ITSN1: variants seen among roughly 807,000 people sequenced by gnomAD.
ITSN1 encodes the protein intersectin 1.
A neutral mutation model predicts 239.8 loss-of-function variants in ITSN1; 58 were observed. The observed-to-expected ratio is 0.24, with a 90% confidence interval of 0.20 to 0.30. The LOEUF is 0.30. Ranked by LOEUF, ITSN1 falls within the 10% of genes least tolerant of loss-of-function variation. The probability of loss-of-function intolerance (pLI) is 1.00; values close to 1 mark genes in which losing one functional copy is unlikely to be tolerated. For missense variants in ITSN1, 1,558 were observed against 2,103.3 expected (o/e 0.74, Z 5.07); for synonymous variants, 780 against 770.8 (o/e 1.01, Z -0.20).
chr21:33,772,414 T>A (rs1220662104), intron 12 of ITSN1, 91 bp downstream of exon 12: 5 of 1,438,434 alleles, frequency 3.5e-6, no homozygotes, highest in Non-Finnish European at 4.7e-6. Context: ...CATCTTTGTC[T>A]TTTTACAATT....
At chr21:33,810,670 A>C (rs1194021177) in intron 20 of ITSN1, among the ~76,000 whole-genome samples, 1 of 152,192 alleles carries the variant, frequency 6.6e-6, no homozygotes, top group African/African-American at 2.4e-5. Context: ...TCACTTCCCA[A>C]ATCAAAATAT....
intron 1 of ITSN1, among the ~76,000 whole-genome samples, chr21:33,665,739 A>G (rs559740366): frequency 9.8e-5 from 15 of 152,342 alleles, no homozygotes; most frequent in African/African-American, 1.4e-4. Flanking sequence ...ATGTCCATCA[A>G]CTTTTGTGCA....
intron 31 of ITSN1, among the ~76,000 whole-genome samples, chr21:33,861,931 G>GA (rs1555963579): frequency 7.0e-6 from 1 of 142,662 alleles, no homozygotes; most frequent in Admixed American, 7.1e-5. Context: ...GGGCGACAGA[G>GA]TGAGACTCCG....
chr21:33,759,706 A>G (rs1035787741), intron 8 of ITSN1, among the ~76,000 whole-genome samples: 12 of 152,220 alleles, frequency 7.9e-5, no homozygotes, highest in African/African-American at 2.9e-4. Flanking sequence ...TCATGTATGC[A>G]CACACATCCA....
At chr21:33,706,120 A>G (rs1178506230) in intron 1 of ITSN1, among the ~76,000 whole-genome samples, 1 of 152,066 alleles carries the variant, frequency 6.6e-6, no homozygotes, top group African/African-American at 2.4e-5. Context: ...CCTGGGTTCA[A>G]GTGATTCTCC....
intron 16 of ITSN1, among the ~76,000 whole-genome samples, chr21:33,788,326 TTGAC>T (rs1345454558): frequency 6.6e-6 from 1 of 152,224 alleles, no homozygotes; most frequent in East Asian, 1.9e-4. Flanking sequence ...TTGTGACACA[TTGAC>T]TACCATTTTG....
intron 27 of ITSN1, among the ~76,000 whole-genome samples, chr21:33,832,289 G>A (rs542845232): frequency 4.6e-5 from 7 of 152,238 alleles, no homozygotes; most frequent in Middle Eastern, 6.8e-3. Context: ...CAGAAGCACC[G>A]TGTCCCTCCC....
At chr21:33,816,980 A>G (rs2073319154) in intron 22 of ITSN1, among the ~76,000 whole-genome samples, 1 of 152,154 alleles carries the variant, frequency 6.6e-6, no homozygotes, top group Non-Finnish European at 1.5e-5. Flanking sequence ...TGCTGAAACT[A>G]TTTGACCTGT....
chr21:33,751,740 T>C (rs540236801), intron 6 of ITSN1, 70 bp from the exon 7 acceptor site: 1 of 1,234,786 alleles, frequency 8.1e-7, no homozygotes, highest in African/African-American at 1.5e-5. Flanking sequence ...CTGTGCATTT[T>C]AATTTTTGTA....
At chr21:33,838,141 C>T (rs2074691706) in intron 29 of ITSN1, 1 of 985,404 alleles carries the variant, frequency 1.0e-6, no homozygotes, top group Non-Finnish European at 1.2e-6. Context: ...CCCTGTTTGT[C>T]TTTTAAACAC....
At chr21:33,775,681 C>G (rs1425409347) in intron 14 of ITSN1, among the ~76,000 whole-genome samples, 1 of 152,158 alleles carries the variant, frequency 6.6e-6, no homozygotes, top group East Asian at 1.9e-4. Flanking sequence ...AGCAAGGAGA[C>G]TACTGGGTAG....
chr21:33,805,137 C>T (rs1244362704), intron 20 of ITSN1, among the ~76,000 whole-genome samples: 1 of 152,210 alleles, frequency 6.6e-6, no homozygotes, highest in Admixed American at 6.5e-5. Context: ...GTTAGGTAGT[C>T]AATTTCAGGA....
At chr21:33,872,190 C>T (rs1329269800) in intron 33 of ITSN1, among the ~76,000 whole-genome samples, 2 of 152,234 alleles carry the variant, frequency 1.3e-5, no homozygotes, top group Admixed American at 6.5e-5. Flanking sequence ...TAAATTGATA[C>T]AGCCTTTTTT....
intron 7 of ITSN1, among the ~76,000 whole-genome samples, chr21:33,754,525 G>A (rs972233094): frequency 3.9e-5 from 6 of 152,252 alleles, no homozygotes; most frequent in Middle Eastern, 3.4e-3. Flanking sequence ...TTCAGATGTC[G>A]AAGCTTAACA....
At chr21:33,887,154 C>CA (rs1569347441) in intron 39 of ITSN1, among the ~76,000 whole-genome samples, 1 of 151,458 alleles carries the variant, frequency 6.6e-6, no homozygotes, top group Non-Finnish European at 1.5e-5. Flanking sequence ...CTTGTCTCTA[C>CA]AAAAAAATAC....
chr21:33,848,387 G>C (rs1405114428), intron 29 of ITSN1, among the ~76,000 whole-genome samples: 1 of 152,210 alleles, frequency 6.6e-6, no homozygotes, highest in African/African-American at 2.4e-5. Context: ...TTGTCACCTT[G>C]ATCTTGGACT....
intron 33 of ITSN1, among the ~76,000 whole-genome samples, chr21:33,870,858 TG>T (rs1195891989): frequency 2.6e-5 from 4 of 152,074 alleles, no homozygotes; most frequent in Non-Finnish European, 4.4e-5. Context: ...GGCAGGGAGC[TG>T]GAAGAACACT....
At chr21:33,876,161 C>T (rs1419848212) in intron 34 of ITSN1, among the ~76,000 whole-genome samples, 4 of 135,088 alleles carry the variant, frequency 3.0e-5, no homozygotes, top group African/African-American at 8.4e-5. Flanking sequence ...TTCTCTCTCT[C>T]CCTCTTTCTT....
chr21:33,774,775 G>A lies in ITSN1; in HGVS notation c.1352G>A (p.Arg451Gln), dbSNP rs1337125488. The change falls in exon 13 of 40, where the codon CGG becomes CAG. Residue 451 changes from arginine to glutamine, a missense_variant. Physicochemically the swap from Arg to Gln is conservative, Grantham distance 43. Transcript: ENST00000381318. Reference protein sequence around the residue: ...LERQRQLEWERNRRQELLNQR... With the variant: ...LERQRQLEWEQNRRQELLNQR... Reference sequence around the variant, plus strand: ...AGGCAACGACAACTTGAGTGGGAACGGAATCGAAGGCAAGAACTACTAAAT... The same window carrying A: ...AGGCAACGACAACTTGAGTGGGAACAGAATCGAAGGCAAGAACTACTAAAT... 8 of 1,613,930 alleles carry A rather than the reference G, an allele frequency of 5.0e-6. No homozygotes were observed. The highest frequency in any genetic ancestry group is 5.1e-6 in the Non-Finnish European group (6 of 1,179,932).
Sources: gnomAD v4.1 joint callset for allele counts (sites outside exome capture counted in the v4.1 genomes callset) on GRCh38, gnomAD v4.1.1 for gene constraint, MANE v1.5 for transcripts, NCBI Gene and HGNC (gene_info 2026-07-23, HGNC 2026-07-21) for gene names.